Variants in FHIT observed in about 807,000 individuals in gnomAD.
FHIT encodes fragile histidine triad diadenosine triphosphatase, also known as bis(5'-adenosyl)-triphosphatase.
FHIT carries 19 observed loss-of-function variants against 17.9 expected under a neutral mutation model. The ratio of observed to expected loss-of-function variants is 1.06; its 90% CI spans 0.74 to 1.56. The LOEUF is 1.56. Among genes scored for constraint, FHIT ranks in the 40% most tolerant of loss-of-function variants. The pLI, the probability that FHIT is intolerant of heterozygous loss-of-function variation, is 0.00. For missense variants in FHIT, 248 were observed against 189.2 expected (o/e 1.31, Z -1.82); for synonymous variants, 81 against 69.7 (o/e 1.16, Z -0.81).
intron 5 of FHIT, among the ~76,000 whole-genome samples, chr3:60,432,132 T>C (rs146826459): frequency 0.045 from 6,900 of 152,082 alleles, 219 homozygotes; most frequent in Middle Eastern, 0.095. Flanking sequence ...CATGCCACCA[T>C]GCCCAGCTAA....
intron 7 of FHIT, among the ~76,000 whole-genome samples, chr3:59,951,089 G>C (rs895229596): frequency 2.6e-5 from 4 of 152,182 alleles, no homozygotes; most frequent in African/African-American, 9.7e-5. Flanking sequence ...TATAACCTAA[G>C]TATTAATTAC....
chr3:59,935,701 G>C (rs1706202021), intron 7 of FHIT, among the ~76,000 whole-genome samples: 1 of 151,920 alleles, frequency 6.6e-6, no homozygotes, highest in African/African-American at 2.4e-5. Context: ...ATGAATAGAT[G>C]GATGAGTGGG....
At chr3:60,453,213 C>A (rs426569) in intron 5 of FHIT, among the ~76,000 whole-genome samples, 28,200 of 150,074 alleles carry the variant, frequency 0.19, 4,216 homozygotes, top group African/African-American at 0.41. Context: ...TTTTTTTTAA[C>A]TCAAGTGCCC....
intron 4 of FHIT, among the ~76,000 whole-genome samples, chr3:60,816,865 G>A (rs1227811607): frequency 6.6e-6 from 1 of 151,924 alleles, no homozygotes; most frequent in Non-Finnish European, 1.5e-5. Flanking sequence ...TTTAATTAGT[G>A]ATTAGTCCAC....
intron 2 of FHIT, among the ~76,000 whole-genome samples, chr3:61,083,651 T>TTCACCC (rs2035217406): frequency 6.6e-6 from 1 of 152,188 alleles, no homozygotes; most frequent in Admixed American, 6.5e-5. Context: ...TCCCAACACC[T>TTCACCC]TCACCCTCAC....
At chr3:61,072,696 T>C (rs1002113868) in intron 2 of FHIT, among the ~76,000 whole-genome samples, 3 of 152,122 alleles carry the variant, frequency 2.0e-5, no homozygotes, top group African/African-American at 7.2e-5. Flanking sequence ...ATATTTAAAA[T>C]TTTTGTTTAA....
At chr3:60,685,718 C>A (rs2040847323) in intron 4 of FHIT, among the ~76,000 whole-genome samples, 1 of 152,158 alleles carries the variant, frequency 6.6e-6, no homozygotes, top group African/African-American at 2.4e-5. Context: ...ATACTATTTA[C>A]ATACAATATG....
At chr3:61,133,346 A>C (rs972681847) in intron 2 of FHIT, among the ~76,000 whole-genome samples, 3 of 152,228 alleles carry the variant, frequency 2.0e-5, no homozygotes, top group African/African-American at 7.2e-5. Context: ...GGAACTCAAA[A>C]ACTATATTTT....
intron 5 of FHIT, among the ~76,000 whole-genome samples, chr3:60,516,449 C>T (rs1056394122): frequency 6.6e-6 from 1 of 152,098 alleles, no homozygotes; most frequent in African/African-American, 2.4e-5. Context: ...GGAAAAGGAA[C>T]TACTTCACAA....
At chr3:60,966,786 A>G (rs1457250155) in intron 3 of FHIT, among the ~76,000 whole-genome samples, 3 of 152,228 alleles carry the variant, frequency 2.0e-5, no homozygotes, top group Middle Eastern at 3.2e-3. Flanking sequence ...AAGATATGGT[A>G]AAATGTGACA....
intron 4 of FHIT, chr3:60,618,055 T>C (rs1366896272): frequency 6.2e-6 from 1 of 162,044 alleles, no homozygotes; most frequent in Non-Finnish European, 1.4e-5. Flanking sequence ...AAAAAAAAGA[T>C]ACAAAGTAAA....
intron 4 of FHIT, among the ~76,000 whole-genome samples, chr3:60,792,677 C>T (rs1553728905): frequency 1.3e-5 from 2 of 152,166 alleles, no homozygotes; most frequent in Non-Finnish European, 2.9e-5. Flanking sequence ...CTCAGAGGCA[C>T]CACTGCAATC....
At chr3:59,834,581 G>T (rs907486667) in intron 8 of FHIT, among the ~76,000 whole-genome samples, 1 of 152,138 alleles carries the variant, frequency 6.6e-6, no homozygotes. Context: ...CCTCTTCCAG[G>T]TTGTAGATTG....
At chr3:60,172,272 T>C (rs1187540505) in intron 5 of FHIT, among the ~76,000 whole-genome samples, 6 of 152,016 alleles carry the variant, frequency 3.9e-5, no homozygotes, top group African/African-American at 1.2e-4. Flanking sequence ...GTTTGTTTGT[T>C]TGTTTGCTTT....
At chr3:60,893,220 G>C (rs1326232156) in intron 3 of FHIT, among the ~76,000 whole-genome samples, 1 of 152,138 alleles carries the variant, frequency 6.6e-6, no homozygotes, top group Non-Finnish European at 1.5e-5. Context: ...GCCTTGGTAA[G>C]TTTCCCCTAG....
intron 4 of FHIT, among the ~76,000 whole-genome samples, chr3:60,637,056 G>C (rs1553684078): frequency 6.6e-6 from 1 of 152,114 alleles, no homozygotes. Context: ...ACCAGGGATA[G>C]AGAGAGAAGA....
chr3:60,588,174 T>G (rs2037966131), intron 4 of FHIT, among the ~76,000 whole-genome samples: 1 of 152,012 alleles, frequency 6.6e-6, no homozygotes, highest in Non-Finnish European at 1.5e-5. Flanking sequence ...TGGGTCTCAT[T>G]ACAAGCTGAG....
At chr3:61,123,100 C>G (rs2106928752) in intron 2 of FHIT, among the ~76,000 whole-genome samples, 1 of 152,228 alleles carries the variant, frequency 6.6e-6, no homozygotes, top group Middle Eastern at 3.4e-3. Context: ...TGGAACCAAC[C>G]CAAACGCCCA....
chr3:59,938,610 T>G (rs1470267195), intron 7 of FHIT, among the ~76,000 whole-genome samples: 1 of 152,170 alleles, frequency 6.6e-6, no homozygotes, highest in African/African-American at 2.4e-5. Flanking sequence ...GATGAATATG[T>G]GAATTTGCTT....
Sources: gnomAD v4.1 joint callset for allele counts (sites outside exome capture counted in the v4.1 genomes callset) on GRCh38, gnomAD v4.1.1 for gene constraint, MANE v1.5 for transcripts, NCBI Gene and HGNC (gene_info 2026-07-23, HGNC 2026-07-21) for gene names.